Variants in SCHIP1 observed in about 807,000 individuals in gnomAD.
The protein encoded by SCHIP1 is schwannomin interacting protein 1.
SCHIP1 carries 8 observed loss-of-function variants against 29.7 expected under a neutral mutation model. The observed-to-expected ratio is 0.27, with a 90% CI of 0.16 to 0.49. SCHIP1 has a LOEUF of 0.49. SCHIP1 is among the 20% of genes least tolerant of loss of function. The probability of loss-of-function intolerance (pLI) is 0.99; values close to 1 mark genes in which losing one functional copy is unlikely to be tolerated. For missense variants in SCHIP1, 193 were observed against 294.6 expected (o/e 0.66, Z 2.52); for synonymous variants, 76 against 94.9 (o/e 0.80, Z 1.16).
At chr3:159,684,212 C>A in the SCHIP1 span, among the ~76,000 whole-genome samples, 1 of 152,176 alleles carries the variant, frequency 6.6e-6, no homozygotes, top group Non-Finnish European at 1.5e-5. Context: ...AGAGACCACC[C>A]CTACATTCCA....
the SCHIP1 span, among the ~76,000 whole-genome samples, chr3:159,614,454 T>C: frequency 8.5e-5 from 13 of 152,320 alleles, no homozygotes; most frequent in African/African-American, 3.1e-4. Context: ...GTTAATGTCC[T>C]TATCTTGTTT....
the SCHIP1 span, among the ~76,000 whole-genome samples, chr3:159,359,505 A>T: frequency 6.6e-6 from 1 of 152,228 alleles, no homozygotes; most frequent in African/African-American, 2.4e-5. Flanking sequence ...GAATTAAAAG[A>T]TGTCACACAG....
the SCHIP1 span, among the ~76,000 whole-genome samples, chr3:159,440,132 C>G: frequency 5.3e-5 from 8 of 152,072 alleles, no homozygotes; most frequent in Non-Finnish European, 1.2e-4. Flanking sequence ...CTAGCTAGTT[C>G]TCCCTGCACC....
the SCHIP1 span, among the ~76,000 whole-genome samples, chr3:159,438,052 C>T: frequency 6.6e-6 from 1 of 152,244 alleles, no homozygotes; most frequent in African/African-American, 2.4e-5. Flanking sequence ...AGTGCTTATA[C>T]AGGACTCTGG....
chr3:159,388,758 T>G, the SCHIP1 span, among the ~76,000 whole-genome samples: 4 of 152,096 alleles, frequency 2.6e-5, no homozygotes, highest in African/African-American at 9.7e-5. Context: ...ACAGGTTAAC[T>G]CATATAAAAA....
chr3:159,644,335 C>G, the SCHIP1 span, among the ~76,000 whole-genome samples: 1 of 152,096 alleles, frequency 6.6e-6, no homozygotes, highest in Non-Finnish European at 1.5e-5. Flanking sequence ...TTATTACAGA[C>G]TATCAAACAT....
the SCHIP1 span, among the ~76,000 whole-genome samples, chr3:159,579,030 T>G: frequency 1.1e-4 from 16 of 152,324 alleles, no homozygotes; most frequent in South Asian, 3.3e-3. Flanking sequence ...AATTCATCCA[T>G]TTTGCATTAT....
At chr3:159,295,328 C>A in the SCHIP1 span, among the ~76,000 whole-genome samples, 1 of 149,728 alleles carries the variant, frequency 6.7e-6, no homozygotes, top group Non-Finnish European at 1.5e-5. Context: ...ACTCAGGAGG[C>A]TGAGGCAGGA....
the SCHIP1 span, among the ~76,000 whole-genome samples, chr3:159,397,268 G>A: frequency 2.2e-3 from 341 of 152,108 alleles, 2 homozygotes; most frequent in African/African-American, 8.0e-3. Flanking sequence ...TGGTTTGAAT[G>A]TCCTCCTGTA....
the SCHIP1 span, among the ~76,000 whole-genome samples, chr3:159,417,289 A>G: frequency 1.3e-5 from 2 of 152,224 alleles, no homozygotes; most frequent in African/African-American, 4.8e-5. Flanking sequence ...AGGAGACTCA[A>G]TTGGCAGAAG....
the SCHIP1 span, among the ~76,000 whole-genome samples, chr3:159,613,443 A>G: frequency 6.6e-6 from 1 of 152,150 alleles, no homozygotes; most frequent in East Asian, 1.9e-4. Context: ...TTATGAATTT[A>G]TTTTGTCAAA....
chr3:159,733,602 A>G, the SCHIP1 span, among the ~76,000 whole-genome samples: 1 of 152,176 alleles, frequency 6.6e-6, no homozygotes, highest in Non-Finnish European at 1.5e-5. Flanking sequence ...GGGAGTGAAC[A>G]AGAAGGCTGG....
At chr3:159,858,337 A>G (rs1577444559) in intron 1 of SCHIP1, among the ~76,000 whole-genome samples, 1 of 151,978 alleles carries the variant, frequency 6.6e-6, no homozygotes, top group Non-Finnish European at 1.5e-5. Flanking sequence ...ACGTTGAAAC[A>G]CCTCCTCTAC....
At chr3:159,535,948 T>A in the SCHIP1 span, among the ~76,000 whole-genome samples, 3 of 152,210 alleles carry the variant, frequency 2.0e-5, no homozygotes, top group East Asian at 5.8e-4. Context: ...ACTCCCGGTC[T>A]AGAGCTGGCT....
the SCHIP1 span, among the ~76,000 whole-genome samples, chr3:159,534,387 A>T: frequency 6.6e-6 from 1 of 152,158 alleles, no homozygotes; most frequent in Non-Finnish European, 1.5e-5. Flanking sequence ...TCGCAGATAA[A>T]ACCTGAAATC....
At chr3:159,828,664 T>C in the SCHIP1 span, among the ~76,000 whole-genome samples, 5 of 151,966 alleles carry the variant, frequency 3.3e-5, no homozygotes, top group African/African-American at 1.2e-4. Flanking sequence ...TCACGGTCTG[T>C]TCTCTTCCCC....
At chr3:159,781,318 G>C in the SCHIP1 span, among the ~76,000 whole-genome samples, 1 of 152,104 alleles carries the variant, frequency 6.6e-6, no homozygotes, top group Non-Finnish European at 1.5e-5. Flanking sequence ...TGGGATTACA[G>C]GTGCACACCA....
At chr3:159,620,801 A>G in the SCHIP1 span, among the ~76,000 whole-genome samples, 3 of 152,270 alleles carry the variant, frequency 2.0e-5, no homozygotes, top group East Asian at 5.8e-4. Flanking sequence ...AACTAACAGA[A>G]CCATGGAGGA....
chr3:159,576,457 T>G, the SCHIP1 span, among the ~76,000 whole-genome samples: 2 of 152,354 alleles, frequency 1.3e-5, no homozygotes, highest in African/African-American at 4.8e-5. Flanking sequence ...CAGTTACCCT[T>G]TAATGTATCT....
Sources: allele counts gnomAD v4.1 joint callset (sites outside exome capture counted in the v4.1 genomes callset), GRCh38; gene constraint gnomAD v4.1.1; transcripts MANE v1.5; gene names NCBI Gene and HGNC (gene_info 2026-07-23, HGNC 2026-07-21).